The following NRXN1 variants were observed in gnomAD, a reference collection of about 807,000 sequenced individuals.
NRXN1 encodes neurexin 1.
Under a neutral mutation model 150.9 loss-of-function variants are expected in NRXN1, and 39 were observed. The observed-to-expected ratio is 0.26, with a 90% CI of 0.20 to 0.34. The LOEUF is 0.34. Among genes scored for constraint, NRXN1 ranks in the 10% least tolerant of loss-of-function variants. The probability of loss-of-function intolerance (pLI) is 1.00; values close to 1 mark genes in which losing one functional copy is unlikely to be tolerated. For missense variants in NRXN1, 1,815 were observed against 1,949.9 expected (o/e 0.93, Z 1.30); for synonymous variants, 924 against 757.0 (o/e 1.22, Z -3.62).
intron 5 of NRXN1, among the ~76,000 whole-genome samples, chr2:50,838,855 A>G (rs560090956): frequency 6.6e-6 from 1 of 152,210 alleles, no homozygotes; most frequent in African/African-American, 2.4e-5. Context: ...ATGTCAATAA[A>G]CCACCAATGT....
chr2:50,307,862 G>A (rs77367393), intron 17 of NRXN1, among the ~76,000 whole-genome samples: 13,090 of 152,154 alleles, frequency 0.086, 656 homozygotes, highest in Middle Eastern at 0.14. Flanking sequence ...AGAAATGACA[G>A]GTTCCAGGTA....
At position 50,802,270 on chromosome 2, in the gene NRXN1, T is replaced by C. The variant is rs1707703665; in HGVS notation, c.832+119599A>G. Among the ~76,000 whole-genome samples, 3 of 152,136 alleles carry C rather than the reference T, an allele frequency of 2.0e-5. No homozygotes were observed. The South Asian group carries it at 6.2e-4, about 32-fold the overall frequency. On this transcript the variant is annotated intron_variant, in intron 5 of 22. Transcript: ENST00000401669. Reference sequence around the variant, plus strand: ...ACTTTGGGAGGCCGAGGCAGGGGGATCACCTGAGGTCAGGAGTTTAAGATC... The same window carrying C: ...ACTTTGGGAGGCCGAGGCAGGGGGACCACCTGAGGTCAGGAGTTTAAGATC...
intron 5 of NRXN1, among the ~76,000 whole-genome samples, chr2:50,671,912 C>A (rs183678336): frequency 6.6e-6 from 1 of 151,752 alleles, no homozygotes; most frequent in South Asian, 2.1e-4. Context: ...GAGCTTATTA[C>A]GATTTAAAAT....
At chr2:50,895,442 C>A (rs1021892898) in intron 5 of NRXN1, among the ~76,000 whole-genome samples, 1 of 152,050 alleles carries the variant, frequency 6.6e-6, no homozygotes, top group Non-Finnish European at 1.5e-5. Context: ...TTTTCTCTTC[C>A]GTAACATAAA....
intron 17 of NRXN1, among the ~76,000 whole-genome samples, chr2:50,425,086 C>A (rs1026969210): frequency 2.0e-5 from 3 of 152,136 alleles, no homozygotes; most frequent in Non-Finnish European, 2.9e-5. Context: ...CCATATTGTG[C>A]ATTTTGCCAG....
intron 5 of NRXN1, among the ~76,000 whole-genome samples, chr2:50,880,405 G>A (rs1460038609): frequency 6.6e-6 from 1 of 151,854 alleles, no homozygotes; most frequent in African/African-American, 2.4e-5. Flanking sequence ...GTATTTTGTA[G>A]AATAGTCATA....
At chr2:49,922,324 A>G in intron 22 of NRXN1, 73 bp from the exon 23 acceptor site, 1 of 1,389,528 alleles carries the variant, frequency 7.2e-7, no homozygotes, top group Non-Finnish European at 1.0e-6. Context: ...CTATATTAAC[A>G]TTTATTATCT....
chr2:50,370,251 T>C (rs937510796), intron 17 of NRXN1, among the ~76,000 whole-genome samples: 2 of 152,032 alleles, frequency 1.3e-5, no homozygotes, highest in Admixed American at 6.6e-5. Flanking sequence ...GGTGTTTTTC[T>C]TCTTCCCAAA....
intron 16 of NRXN1, 38 bp from the exon 17 acceptor site, chr2:50,465,599 A>G: frequency 6.4e-7 from 1 of 1,556,152 alleles, no homozygotes; most frequent in Non-Finnish European, 8.7e-7. Flanking sequence ...GTTCTTTAAA[A>G]GAATCCAAAA....
At chr2:50,256,505 C>T (rs961237520) in intron 17 of NRXN1, among the ~76,000 whole-genome samples, 1 of 152,118 alleles carries the variant, frequency 6.6e-6, no homozygotes, top group Non-Finnish European at 1.5e-5. Flanking sequence ...TTTGATACTT[C>T]AATAACCTAT....
chr2:50,921,930 A>G (rs763259508), intron 4 of NRXN1, 50 bp from the exon 5 acceptor site: 20 of 1,152,750 alleles, frequency 1.7e-5, no homozygotes, highest in Non-Finnish European at 2.4e-5. Flanking sequence ...CCAGACAAAG[A>G]GGATAAAGAG....
chr2:50,117,244 T>C (rs1377776759), intron 18 of NRXN1, among the ~76,000 whole-genome samples: 2 of 152,140 alleles, frequency 1.3e-5, no homozygotes, highest in Non-Finnish European at 2.9e-5. Flanking sequence ...TAAACATGTA[T>C]TAGATTTATT....
intron 2 of NRXN1, among the ~76,000 whole-genome samples, chr2:50,981,013 T>C (rs183683567): frequency 1.3e-5 from 2 of 152,226 alleles, no homozygotes; most frequent in Admixed American, 1.3e-4. Context: ...AATAGATGTA[T>C]GCAGCACCAC....
At chr2:50,567,283 A>C (rs1159965797) in intron 8 of NRXN1, among the ~76,000 whole-genome samples, 1 of 152,206 alleles carries the variant, frequency 6.6e-6, no homozygotes, top group Non-Finnish European at 1.5e-5. Context: ...ATCAGTTTTC[A>C]GGGGTCTAGA....
intron 17 of NRXN1, among the ~76,000 whole-genome samples, chr2:50,261,360 A>C (rs866465111): frequency 2.0e-5 from 3 of 151,970 alleles, no homozygotes; most frequent in Middle Eastern, 6.8e-3. Context: ...GTACGCTCAG[A>C]GAGATTCATT....
intron 5 of NRXN1, among the ~76,000 whole-genome samples, chr2:50,900,239 G>A (rs762104325): frequency 6.6e-6 from 1 of 152,182 alleles, no homozygotes; most frequent in Non-Finnish European, 1.5e-5. Context: ...GTTGGACAAT[G>A]TGGGATTTTT....
At chr2:50,833,561 T>C (rs1354486408) in intron 5 of NRXN1, among the ~76,000 whole-genome samples, 5 of 152,170 alleles carry the variant, frequency 3.3e-5, no homozygotes, top group African/African-American at 1.2e-4. Context: ...GTTCCACATG[T>C]TATGATTACA....
At position 50,164,108 on chromosome 2, in the gene NRXN1, C is replaced by T. The variant is rs182880433; in HGVS notation, c.3547-72614G>A. 8.1e-3 allele frequency among the ~76,000 whole-genome samples: 1,239 copies of T among 152,192 alleles called. 10 individuals are homozygous for T. Among genetic ancestry groups the T allele is most frequent in the Middle Eastern group, 0.014 (4 of 294 alleles). The stretch of plus-strand genomic sequence containing the variant: ...GATTTATGTAGTATTAAGATTAATT[C>T]CATTATGACCAATATCCTGTCATAT... On this transcript the variant is annotated intron_variant, in intron 18 of 22. Coordinates refer to ENST00000401669, the MANE Select transcript of NRXN1 (RefSeq NM_001330078.2).
intron 2 of NRXN1, among the ~76,000 whole-genome samples, chr2:50,993,440 T>A (rs1698839336): frequency 6.6e-6 from 1 of 151,878 alleles, no homozygotes; most frequent in Non-Finnish European, 1.5e-5. Context: ...TTCTTTTATG[T>A]TTCTATTAAC....
Sources: allele counts gnomAD v4.1 joint callset (sites outside exome capture counted in the v4.1 genomes callset), GRCh38; gene constraint gnomAD v4.1.1; transcripts MANE v1.5; gene names NCBI Gene and HGNC (gene_info 2026-07-23, HGNC 2026-07-21).